PLK5: variants seen among roughly 807,000 people sequenced by gnomAD.
PLK5 encodes polo like kinase 5 (inactive), also known as inactive serine/threonine-protein kinase PLK5.
A neutral mutation model predicts 33.7 loss-of-function variants in PLK5; 28 were observed. That is an observed-to-expected ratio of 0.83 (90% confidence interval 0.62 to 1.14). The LOEUF is 1.14. PLK5 is among the 50% of genes most tolerant of loss of function. PLK5 has a pLI of 0.00. For missense variants in PLK5, 492 were observed against 461.5 expected (o/e 1.07, Z -0.61); for synonymous variants, 225 against 202.2 (o/e 1.11, Z -0.96).
chr19:1,533,804 G>A (rs1231337032), intron 12 of PLK5, 127 bp from the exon 13 acceptor site: 11 of 735,020 alleles, frequency 1.5e-5, no homozygotes, highest in East Asian at 5.4e-5. Context: ...CAAGCTGGCC[G>A]TGCTGCAGCT....
chr19:1,529,140 G>A, intron 9 of PLK5, 166 bp downstream of exon 9: 1 of 685,386 alleles, frequency 1.5e-6, no homozygotes, highest in South Asian at 2.0e-5. Flanking sequence ...GGATCCATTT[G>A]TGTCCAAATG....
At chr19:1,534,874 G>A (rs1914048866) in intron 13 of PLK5, among the ~76,000 whole-genome samples, 191 bp from the exon 14 acceptor site, 1 of 151,874 alleles carries the variant, frequency 6.6e-6, no homozygotes, top group South Asian at 2.1e-4. Context: ...GCCCCCATCT[G>A]AGCCTCAGTT....
In PLK5 at chr19:1,535,442, A is replaced by C. The variant is rs1914070577; in HGVS notation, c.*192A>C. 1.2e-5 allele frequency: 7 copies of C among 592,016 alleles called. No homozygotes were observed. In the South Asian group the frequency reaches 1.8e-4, roughly 15 times the overall value. The allele number at this position is 592,016 out of a possible 1,614,324, so 36.7% of individuals were successfully genotyped here. The stretch of plus-strand genomic sequence containing the variant: ...GATCTCTTCCTTTTTCATTAAAGAC[A>C]ATTTGAAATGCTGTAGGCCATGGTC... On this transcript the variant is annotated 3_prime_UTR_variant, in exon 14 of 14. Coordinates refer to ENST00000454744, the MANE Select transcript of PLK5 (RefSeq NM_001243079.2).
At chr19:1,530,202 C>G (rs1248036896) in intron 11 of PLK5, among the ~76,000 whole-genome samples, 10 of 152,166 alleles carry the variant, frequency 6.6e-5, no homozygotes, top group Non-Finnish European at 2.9e-5. Flanking sequence ...CCTCCTCTCC[C>G]TGAGCCTCCA....
At chr19:1,529,701 G>C (rs1359755883) in intron 10 of PLK5, 46 bp from the exon 11 acceptor site, 4 of 1,524,742 alleles carry the variant, frequency 2.6e-6, no homozygotes, top group Admixed American at 3.9e-5. Flanking sequence ...AGAGCCTGGT[G>C]GTGGGAACCC....
Position 1,535,203 on chromosome 19 carries a change from A to G in PLK5, c.964A>G (p.Thr322Ala), listed in dbSNP as rs1168009673. ...GCGGAGCCACGGCTGCGCCCCCACC[A>G]CCGGACAGCACCTTCACCACGCCCT... Reference protein sequence around the residue: ...VPRSHGCAPTTGQHLHHALRM... With the variant: ...VPRSHGCAPTAGQHLHHALRM... Residue 322 changes from threonine to alanine, a missense_variant, in exon 14 of 14, where the codon ACC becomes GCC. Physicochemically the swap from Thr to Ala is moderately conservative, Grantham distance 58. Coordinates refer to ENST00000454744, the MANE Select transcript of PLK5 (RefSeq NM_001243079.2). 2 of 1,529,706 alleles carry G rather than the reference A, an allele frequency of 1.3e-6. No homozygotes were observed. Among genetic ancestry groups the G allele is most frequent in the East Asian group, 5.0e-5 (2 of 40,368 alleles). The allele number at this position is 1,529,706 out of a possible 1,614,324, so 94.8% of individuals were successfully genotyped here.
At chr19:1,527,056 G>A in intron 6 of PLK5, 58 bp downstream of exon 6, 3 of 1,177,024 alleles carry the variant, frequency 2.5e-6, no homozygotes, top group Non-Finnish European at 2.4e-6. Flanking sequence ...GTGTGGCGGG[G>A]GGGGAGCCTG....
rs1342092918 is a variant in PLK5 at position 1,535,575 on chromosome 19, T to G, written c.*325T>G. ...CTTAGTGGCAGAGGTGGGTTACATT[T>G]TCACTAATGCAGACATTAGCACCAG... On this transcript the variant is annotated 3_prime_UTR_variant, in exon 14 of 14. Coordinates refer to ENST00000454744, the MANE Select transcript of PLK5 (RefSeq NM_001243079.2). 4 of 343,662 alleles carry G rather than the reference T, an allele frequency of 1.2e-5. No individual in the cohort carries two copies. The highest frequency in any genetic ancestry group is 2.1e-5 in the Non-Finnish European group (4 of 189,364). The allele number at this position is 343,662 out of a possible 1,614,324, so 21.3% of individuals were successfully genotyped here. A position where few individuals can be genotyped will look rare whatever the true frequency, so the allele number is the denominator to read the frequency against.
chr19:1,531,545 G>A (rs1913927753), intron 11 of PLK5, among the ~76,000 whole-genome samples, 193 bp from the exon 12 acceptor site: 1 of 152,230 alleles, frequency 6.6e-6, no homozygotes, highest in African/African-American at 2.4e-5. Flanking sequence ...CTGCAAGCCA[G>A]AAATTAGTTA....
Position 1,526,940 on chromosome 19 carries a change from G to T in PLK5, c.-57G>T. On this transcript the variant is annotated 5_prime_UTR_variant, in exon 6 of 14. Coordinates refer to ENST00000454744, the MANE Select transcript of PLK5 (RefSeq NM_001243079.2). ...GACCCCTAACTTCCTGGACCCTGAG[G>T]TTGTCTCCAGAAACGGTCACTCCTG... 7.8e-6 allele frequency: 12 copies of T among 1,532,998 alleles called. No homozygotes were observed. The highest frequency in any genetic ancestry group is 1.0e-5 in the Non-Finnish European group (12 of 1,144,486). 95.0% of individuals were successfully genotyped at this position (1,532,998 alleles called of 1,614,324 possible). A position where few individuals can be genotyped will look rare whatever the true frequency, so the allele number is the denominator to read the frequency against.
intron 13 of PLK5, 24 bp from the exon 14 acceptor site, chr19:1,535,041 T>C: frequency 6.7e-7 from 1 of 1,502,486 alleles, no homozygotes; most frequent in Non-Finnish European, 8.9e-7. Flanking sequence ...CGTCTCCCCT[T>C]GACTGGTATC....
At chr19:1,529,161 G>A in intron 9 of PLK5, 187 bp downstream of exon 9, 1 of 663,130 alleles carries the variant, frequency 1.5e-6, no homozygotes, top group Non-Finnish European at 2.5e-6. Flanking sequence ...TGCCCACCTG[G>A]GCTTTCCCAA....
Position 1,535,345 on chromosome 19 carries a change from G to A in PLK5, c.*95G>A. The A allele has an allele frequency of 7.4e-7, 1 of 1,347,192 alleles. No homozygotes were observed. Among genetic ancestry groups the A allele is most frequent in the South Asian group, 1.4e-5 (1 of 72,148 alleles). 83.5% of individuals were successfully genotyped at this position (1,347,192 alleles called of 1,614,324 possible). On this transcript the variant is annotated 3_prime_UTR_variant, in exon 14 of 14. Coordinates refer to ENST00000454744, the MANE Select transcript of PLK5 (RefSeq NM_001243079.2). ...GGCTCCCCCAGAGGGGCTGTCCTGG[G>A]GGAGGGCTGGGGGGCACACGGGAGG... is the stretch of plus-strand genomic sequence containing the variant.
chr19:1,525,855 G>A (rs2668405), intron 3 of PLK5, 144 bp downstream of exon 3: 41,995 of 152,654 alleles, frequency 0.28, 6,023 homozygotes, highest in Middle Eastern at 0.37. Flanking sequence ...TTACGCCTAC[G>A]TAGGGCCAAT....
intron 12 of PLK5, 77 bp downstream of exon 12, chr19:1,531,960 T>G (rs1233758443): frequency 1.4e-6 from 2 of 1,401,010 alleles, no homozygotes; most frequent in African/African-American, 3.0e-5. Flanking sequence ...AAGTATTTAT[T>G]AAGCACCTAC....
At chr19:1,525,224 GC>G (rs1168598176) in intron 1 of PLK5, 80 bp from the exon 2 acceptor site, 2 of 152,852 alleles carry the variant, frequency 1.3e-5, no homozygotes, top group African/African-American at 4.8e-5. Context: ...TGCGTCCCTG[GC>G]TGCCCTGTGC....
chr19:1,526,146 C>G (rs1913733041), intron 3 of PLK5, among the ~76,000 whole-genome samples: 1 of 152,204 alleles, frequency 6.6e-6, no homozygotes, highest in Non-Finnish European at 1.5e-5. Flanking sequence ...CTGAGCCCAC[C>G]TGGGTCCACC....
intron 9 of PLK5, 131 bp from the exon 10 acceptor site, chr19:1,529,275 C>T: frequency 1.2e-6 from 1 of 811,408 alleles, no homozygotes; most frequent in Non-Finnish European, 1.9e-6. Flanking sequence ...GGCTGCCTCC[C>T]AAGGGGAAAG....
At chr19:1,529,021 T>C in intron 9 of PLK5, 47 bp downstream of exon 9, 1 of 1,420,690 alleles carries the variant, frequency 7.0e-7, no homozygotes, top group Non-Finnish European at 9.3e-7. Flanking sequence ...GTGGAGGGCA[T>C]GCTGGCCCCT....
Sources: gnomAD v4.1 joint callset for allele counts (sites outside exome capture counted in the v4.1 genomes callset) on GRCh38, gnomAD v4.1.1 for gene constraint, MANE v1.5 for transcripts, NCBI Gene and HGNC (gene_info 2026-07-23, HGNC 2026-07-21) for gene names.